Variants in TM7SF3 observed in about 807,000 individuals in gnomAD.
TM7SF3 encodes seven span transmembrane protein.
TM7SF3 carries 60 observed loss-of-function variants against 65.5 expected under a neutral mutation model. The observed-to-expected ratio is 0.92, with a 90% CI of 0.74 to 1.14. The LOEUF (loss-of-function observed/expected upper bound fraction) is 1.14, where lower values mean the gene tolerates loss of function less well. Among genes scored for constraint, TM7SF3 ranks in the 50% most tolerant of loss-of-function variants. The pLI, the probability that TM7SF3 is intolerant of heterozygous loss-of-function variation, is 0.00. For missense variants in TM7SF3, 623 were observed against 684.8 expected (o/e 0.91, Z 1.01); for synonymous variants, 264 against 259.6 (o/e 1.02, Z -0.16).
At position 26,974,242 on chromosome 12, in the gene TM7SF3, A is replaced by G; in HGVS notation, c.1451-15T>C. ...GATAATGAAGTCTAAAAAACAGTAG[A>G]AAAAGTACAGTTTGAACTCTAGTAT... On this transcript the variant is annotated splice_polypyrimidine_tract_variant and intron_variant, in intron 11 of 11. Coordinates refer to ENST00000343028, the MANE Select transcript of TM7SF3 (RefSeq NM_016551.3). 1 of 1,610,204 alleles carries G rather than the reference A, an allele frequency of 6.2e-7. No homozygotes were observed. Among genetic ancestry groups the G allele is most frequent in the South Asian group, 1.1e-5 (1 of 90,670 alleles).
At chr12:26,978,482 C>T (rs1939666358) in intron 9 of TM7SF3, 1 of 152,290 alleles carries the variant, frequency 6.6e-6, no homozygotes, top group African/African-American at 2.4e-5. Context: ...ATGAAAAGTA[C>T]ATTAAATTAC....
At chr12:27,010,341 T>C (rs182586251) in intron 1 of TM7SF3, among the ~76,000 whole-genome samples, 1 of 152,104 alleles carries the variant, frequency 6.6e-6, no homozygotes, top group East Asian at 1.9e-4. Flanking sequence ...ACGAAAAAAT[T>C]AGTGGGAAGA....
At chr12:26,981,236 G>GCTCT (rs756427875) in intron 7 of TM7SF3, among the ~76,000 whole-genome samples, 1 of 152,138 alleles carries the variant, frequency 6.6e-6, no homozygotes, top group Non-Finnish European at 1.5e-5. Flanking sequence ...GGAGGCCATA[G>GCTCT]CTCTACCTAT....
intron 5 of TM7SF3, among the ~76,000 whole-genome samples, chr12:26,992,530 C>T (rs367574494): frequency 2.6e-5 from 4 of 152,328 alleles, no homozygotes; most frequent in South Asian, 4.1e-4. Context: ...GTGATCCTCC[C>T]GCCTTGGCCT....
chr12:26,999,447 T>C (rs1276405176), intron 3 of TM7SF3, 79 bp downstream of exon 3: 8 of 1,439,940 alleles, frequency 5.6e-6, no homozygotes, highest in Non-Finnish European at 7.7e-6. Context: ...ACAATCTCAA[T>C]AGGATAATTT....
rs747428552 is a variant in TM7SF3 at position 26,976,245 on chromosome 12, T to G, written c.1287+15A>C. On this transcript the variant is annotated intron_variant, in intron 10 of 11. Transcript: ENST00000343028. ...TAACATAATCAATAAATCTAACTTT[T>G]GATGAAACACTTACTATTCTTAGGC... is the stretch of plus-strand genomic sequence containing the variant. 6.4e-7 allele frequency: 1 copy of G among 1,568,514 alleles called. No homozygotes were observed. Among genetic ancestry groups the G allele is most frequent in the Non-Finnish European group, 8.8e-7 (1 of 1,139,084 alleles).
intron 6 of TM7SF3, 27 bp from the exon 7 acceptor site, chr12:26,982,886 T>G: frequency 6.8e-7 from 1 of 1,481,460 alleles, no homozygotes. Flanking sequence ...ATTTAGTGGA[T>G]AATACATCCA....
intron 1 of TM7SF3, among the ~76,000 whole-genome samples, chr12:27,008,402 T>C (rs574704382): frequency 1.7e-4 from 26 of 152,318 alleles, no homozygotes; most frequent in African/African-American, 6.3e-4. Context: ...TCTTCAATTT[T>C]AGGAGTTTTT....
chr12:26,996,937 T>C (rs1403823814), intron 3 of TM7SF3, 75 bp from the exon 4 acceptor site: 9 of 1,463,320 alleles, frequency 6.2e-6, no homozygotes, highest in South Asian at 2.8e-5. Context: ...AACAGAACTC[T>C]ATCTACTCTT....
At chr12:27,002,034 A>G (rs1309611256) in intron 2 of TM7SF3, among the ~76,000 whole-genome samples, 3 of 152,152 alleles carry the variant, frequency 2.0e-5, no homozygotes, top group African/African-American at 7.2e-5. Context: ...CCCCCTACAC[A>G]CATACCCCAC....
Position 26,991,221 on chromosome 12 carries a change from C to T in TM7SF3, c.691-594G>A, listed in dbSNP as rs545463377. Among the ~76,000 whole-genome samples the T allele has an allele frequency of 1.4e-4, 20 of 145,782 alleles. No homozygotes were observed. In the South Asian group the frequency reaches 3.0e-3, roughly 22 times the overall value. On this transcript the variant is annotated intron_variant, in intron 5 of 11. Coordinates refer to ENST00000343028, the MANE Select transcript of TM7SF3 (RefSeq NM_016551.3). Reference sequence around the variant, plus strand: ...ACTGCGGACTGCAGTGGCGCAATCTCGGCTCACTGCAAGCTCCGCTTCCCG... The same window carrying T: ...ACTGCGGACTGCAGTGGCGCAATCTTGGCTCACTGCAAGCTCCGCTTCCCG...
intron 1 of TM7SF3, among the ~76,000 whole-genome samples, chr12:27,004,872 G>A (rs1439738251): frequency 6.6e-6 from 1 of 152,008 alleles, no homozygotes; most frequent in East Asian, 1.9e-4. Context: ...TCCTATTTAT[G>A]GTACCAGAAA....
Position 27,009,991 on chromosome 12 carries a change from G to A in TM7SF3, c.91+4087C>T, listed in dbSNP as rs559481631. ...TTGTGGTTTGATTCCTGGCTGTGCA[G>A]GATTTTGTCATTTTTGATGTTCCAA... is the stretch of plus-strand genomic sequence containing the variant. On this transcript the variant is annotated intron_variant, in intron 1 of 11. Transcript: ENST00000343028. Among the ~76,000 whole-genome samples, 7 of 152,294 alleles carry A rather than the reference G, an allele frequency of 4.6e-5. No individual in the cohort carries two copies. The East Asian group carries it at 1.3e-3, about 29-fold the overall frequency.
At chr12:27,000,535 C>G (rs1255792998) in intron 2 of TM7SF3, among the ~76,000 whole-genome samples, 1 of 152,254 alleles carries the variant, frequency 6.6e-6, no homozygotes, top group South Asian at 2.1e-4. Flanking sequence ...TCTCAGCTTA[C>G]TACAAGCTCC....
intron 9 of TM7SF3, among the ~76,000 whole-genome samples, chr12:26,977,248 C>T (rs1939605788): frequency 1.3e-5 from 2 of 152,184 alleles, no homozygotes; most frequent in South Asian, 4.1e-4. Flanking sequence ...TCTAGTTTAA[C>T]TATATTAACC....
chr12:26,979,847 T>C lies in TM7SF3; in HGVS notation c.1126A>G (p.Met376Val), dbSNP rs1157373531. The C allele has an allele frequency of 1.9e-6, 3 of 1,614,150 alleles. No individual in the cohort carries two copies. The highest frequency in any genetic ancestry group is 2.5e-6 in the Non-Finnish European group (3 of 1,180,028). ...CCCAGCACTAGTCCAACACAGAGCA[T>C]GCAGATCGAGAGGATTCCAAATCGC... ...WWRFGILSIC[M>V]LCVGLVLGFL... Residue 376 changes from methionine (M) to valine (V), a missense_variant, in exon 9 of 12, where the codon ATG becomes GTG. Transcript: ENST00000343028.
At chr12:26,983,695 AACTC>A in intron 6 of TM7SF3, 1 of 361,576 alleles carries the variant, frequency 2.8e-6, no homozygotes, top group Non-Finnish European at 5.6e-6. Flanking sequence ...TTTAAACCGA[AACTC>A]ACAATTTAAA....
Position 26,980,616 on chromosome 12 carries a change from C to T in TM7SF3, c.986G>A (p.Gly329Glu), listed in dbSNP as rs758517438. 4 of 1,577,938 alleles carry T rather than the reference C, an allele frequency of 2.5e-6. No homozygotes were observed. The highest frequency in any genetic ancestry group is 3.5e-6 in the Non-Finnish European group (4 of 1,155,274). The stretch of plus-strand genomic sequence containing the variant: ...TGTAATCAGTATATAAAAGAAGAAT[C>T]CCATGATGATAAAGCCTATGAAGAA... ...ELFFIGFIIM[G>E]FFFYILITRL... The change falls in exon 8 of 12, where the codon GGA (glycine) becomes GAA (glutamate). Residue 329 changes from glycine to glutamate, a missense_variant. By Grantham distance (98) the Gly-to-Glu change is moderately conservative. Transcript: ENST00000343028.
At chr12:27,004,384 A>T (rs1211444357) in intron 1 of TM7SF3, among the ~76,000 whole-genome samples, 1 of 152,216 alleles carries the variant, frequency 6.6e-6, no homozygotes, top group African/African-American at 2.4e-5. Context: ...CAGACAAAAG[A>T]TTTAGATTAA....
Sources: gnomAD v4.1 joint callset for allele counts (sites outside exome capture counted in the v4.1 genomes callset) on GRCh38, gnomAD v4.1.1 for gene constraint, MANE v1.5 for transcripts, NCBI Gene and HGNC (gene_info 2026-07-23, HGNC 2026-07-21) for gene names.